Variants in MEGF10 observed in about 807,000 individuals in gnomAD.
The protein encoded by MEGF10 is multiple epidermal growth factor-like domains protein 10.
MEGF10 carries 86 observed loss-of-function variants against 147.5 expected under a neutral mutation model. The observed-to-expected ratio is 0.58, with a 90% CI of 0.49 to 0.70. The LOEUF is 0.70. Ranked by LOEUF, MEGF10 falls within the 30% of genes least tolerant of loss-of-function variation. The pLI, the probability that MEGF10 is intolerant of heterozygous loss-of-function variation, is 0.00. For synonymous variants in MEGF10, 478 were observed against 525.5 expected (o/e 0.91, Z 1.24); for missense variants, 1,329 against 1,487.3 (o/e 0.89, Z 1.75).
At chr5:127,297,534 C>T (rs1296248129) in intron 1 of MEGF10, among the ~76,000 whole-genome samples, 2 of 152,040 alleles carry the variant, frequency 1.3e-5, no homozygotes, top group African/African-American at 4.8e-5. Context: ...TGGAGGCTTC[C>T]TGGCAGTGTG....
intron 18 of MEGF10, among the ~76,000 whole-genome samples, chr5:127,441,645 T>G (rs1374963293): frequency 2.0e-5 from 3 of 152,228 alleles, no homozygotes; most frequent in African/African-American, 7.2e-5. Context: ...TCAGACCCAC[T>G]TTCTTATGAT....
intron 4 of MEGF10, among the ~76,000 whole-genome samples, chr5:127,344,152 C>A (rs570300111): frequency 4.2e-4 from 64 of 152,218 alleles, no homozygotes; most frequent in African/African-American, 1.4e-3. Context: ...CATTGATTGA[C>A]CTACAATGTA....
chr5:127,459,922 G>C lies in MEGF10; in HGVS notation c.*2604G>C, dbSNP rs1440676962. On this transcript the variant is annotated 3_prime_UTR_variant, in exon 25 of 25. Coordinates refer to ENST00000503335, the MANE Select transcript of MEGF10 (RefSeq NM_001256545.2). ...TTTGGGTAAAGAAAGGAATACTTTTGTTAGAATGAGAATTAAAGAGAAAAC... is the reference window on the plus strand; with the variant it reads ...TTTGGGTAAAGAAAGGAATACTTTTCTTAGAATGAGAATTAAAGAGAAAAC... 1 of 152,162 alleles carries C rather than the reference G, an allele frequency of 6.6e-6. No individual in the cohort carries two copies. The highest frequency in any genetic ancestry group is 1.5e-5 in the Non-Finnish European group (1 of 68,018). The allele number at this position is 152,162 out of a possible 1,614,324, so 9.4% of individuals were successfully genotyped here.
In MEGF10 at chr5:127,419,180, T is replaced by G. The variant is rs1331003010; in HGVS notation, c.1366T>G (p.Cys456Gly). The change falls in exon 11 of 25, where the codon TGT becomes GGT. Residue 456 changes from cysteine to glycine, a missense_variant. Cys to Gly is a radical substitution (Grantham distance 159). Around this residue, in one of 3 missense-constraint regions of MEGF10, gnomAD observed 980 missense variants for 1,085.9 expected, o/e 0.90. Transcript: ENST00000503335. Reference protein sequence around the residue: ...GTYGINCSSRCGCKNDAVCSP... With the variant: ...GTYGINCSSRGGCKNDAVCSP... ...CTATGGGATAAACTGTTCCTCTCGC[T>G]GTGGCTGTAAAAATGATGCAGTCTG... is the stretch of plus-strand genomic sequence containing the variant. The G allele has an allele frequency of 2.5e-6, 4 of 1,614,092 alleles. No individual in the cohort carries two copies. The highest frequency in any genetic ancestry group is 3.4e-6 in the Non-Finnish European group (4 of 1,180,036).
At chr5:127,448,094 G>A (rs1440654375) in intron 21 of MEGF10, among the ~76,000 whole-genome samples, 1 of 152,164 alleles carries the variant, frequency 6.6e-6, no homozygotes, top group African/African-American at 2.4e-5. Flanking sequence ...AAATCTCCAA[G>A]TGTGTCTCTT....
At chr5:127,340,658 T>G in intron 4 of MEGF10, 28 bp downstream of exon 4, 1 of 1,587,538 alleles carries the variant, frequency 6.3e-7, no homozygotes, top group South Asian at 1.1e-5. Context: ...CCCTTTGAGA[T>G]TCGCTAGTTT....
chr5:127,366,311 T>A (rs1446318602), intron 4 of MEGF10, among the ~76,000 whole-genome samples: 1 of 152,186 alleles, frequency 6.6e-6, no homozygotes, highest in Non-Finnish European at 1.5e-5. Context: ...CGAGGTTTGT[T>A]GCTGGATGTG....
At position 127,422,786 on chromosome 5, in the gene MEGF10, A is replaced by T; in HGVS notation, c.1693+14A>T. ...CCGGATGGTCAGGTGAGAGCCAAGG[A>T]CCGCTAATTGAAAGGTGAAACCCGC... On this transcript the variant is annotated intron_variant, in intron 13 of 24. Coordinates refer to ENST00000503335, the MANE Select transcript of MEGF10 (RefSeq NM_001256545.2). 6.2e-7 allele frequency: 1 copy of T among 1,606,806 alleles called. No individual in the cohort carries two copies. Among genetic ancestry groups the T allele is most frequent in the Middle Eastern group, 1.7e-4 (1 of 6,040 alleles).
intron 22 of MEGF10, among the ~76,000 whole-genome samples, 165 bp from the exon 23 acceptor site, chr5:127,454,400 AG>A (rs745532873): frequency 3.3e-5 from 5 of 152,190 alleles, no homozygotes; most frequent in Admixed American, 6.5e-5. Context: ...GTTTAATTCT[AG>A]GCACTGGGGA....
chr5:127,326,007 G>A (rs934566433), intron 1 of MEGF10, among the ~76,000 whole-genome samples: 1 of 150,272 alleles, frequency 6.7e-6, no homozygotes, highest in Non-Finnish European at 1.5e-5. Context: ...AGGCTCAAGC[G>A]ATCCTCCTAC....
intron 13 of MEGF10, among the ~76,000 whole-genome samples, chr5:127,428,881 G>A (rs1014188455): frequency 1.3e-5 from 2 of 152,184 alleles, no homozygotes; most frequent in Non-Finnish European, 2.9e-5. Context: ...TCACATTGAG[G>A]CCGCTGGCAT....
chr5:127,292,219 C>T (rs1759291297), intron 1 of MEGF10, among the ~76,000 whole-genome samples: 1 of 152,166 alleles, frequency 6.6e-6, no homozygotes, highest in Admixed American at 6.5e-5. Context: ...GGGCACCCGC[C>T]AGCCTGGGTT....
the MEGF10 span, among the ~76,000 whole-genome samples, chr5:127,283,629 A>C: frequency 6.6e-6 from 1 of 152,242 alleles, no homozygotes. Flanking sequence ...GTGCAATCCA[A>C]GAAACAGAAG....
At position 127,445,754 on chromosome 5, in the gene MEGF10, T is replaced by C. The variant is rs2270933; in HGVS notation, c.2728+61T>C. The C allele has an allele frequency of 0.07, 86,150 of 1,228,786 alleles. 5,262 individuals carry two copies. The highest frequency in any genetic ancestry group is 0.3 in the African/African-American group (20,036 of 67,564). 76.1% of individuals were successfully genotyped at this position (1,228,786 alleles called of 1,614,324 possible). On this transcript the variant is annotated intron_variant, in intron 20 of 24. Transcript: ENST00000503335. Reference sequence around the variant, plus strand: ...GAAAAGTTAAATTTCATTCGGGTTCTTTAAAACTGGGTGTTTGGCTGTGCT... The same window carrying C: ...GAAAAGTTAAATTTCATTCGGGTTCCTTAAAACTGGGTGTTTGGCTGTGCT...
At chr5:127,409,019 G>A (rs144631338) in intron 8 of MEGF10, among the ~76,000 whole-genome samples, 85 of 152,272 alleles carry the variant, frequency 5.6e-4, no homozygotes, top group African/African-American at 2.0e-3. Context: ...CGAGGTTACA[G>A]TGAGCTATGA....
At chr5:127,349,672 A>C (rs2126817294) in intron 4 of MEGF10, among the ~76,000 whole-genome samples, 2 of 143,578 alleles carry the variant, frequency 1.4e-5, no homozygotes, top group Middle Eastern at 7.4e-3. Context: ...GCAGCATGGG[A>C]CAGGACTTCC....
intron 20 of MEGF10, among the ~76,000 whole-genome samples, chr5:127,446,167 TG>T (rs1196648957): frequency 3.9e-5 from 6 of 152,206 alleles, no homozygotes; most frequent in African/African-American, 1.2e-4. Flanking sequence ...AACAGCTTTT[TG>T]GTATTAGCAA....
At chr5:127,235,840 A>G in the MEGF10 span, among the ~76,000 whole-genome samples, 4 of 152,270 alleles carry the variant, frequency 2.6e-5, no homozygotes, top group African/African-American at 9.6e-5. Context: ...AGCTATAAGC[A>G]TAAGATGCTT....
At chr5:127,402,476 CT>C in intron 7 of MEGF10, 69 bp from the exon 8 acceptor site, 1 of 1,522,014 alleles carries the variant, frequency 6.6e-7, no homozygotes, top group South Asian at 1.3e-5. Context: ...CCTCTCTTTT[CT>C]TCTTCATCCA....
Sources: allele counts gnomAD v4.1 joint callset (sites outside exome capture counted in the v4.1 genomes callset), GRCh38; gene constraint gnomAD v4.1.1; regional missense constraint gnomAD v4.1.1; transcripts MANE v1.5; gene names NCBI Gene and HGNC (gene_info 2026-07-23, HGNC 2026-07-21).